SIRPG: variants seen among roughly 807,000 people sequenced by gnomAD.
The protein encoded by SIRPG is signal-regulatory protein gamma.
Under a neutral mutation model 35.7 loss-of-function variants are expected in SIRPG, and 38 were observed. That is an observed-to-expected ratio of 1.06 (90% CI 0.82 to 1.40). The LOEUF (loss-of-function observed/expected upper bound fraction) is 1.40, where lower values mean the gene tolerates loss of function less well. Ranked by LOEUF, SIRPG falls within the 40% of genes most tolerant of loss-of-function variation. SIRPG has a pLI of 0.00. For synonymous variants in SIRPG, 215 were observed against 190.4 expected (o/e 1.13, Z -1.06); for missense variants, 519 against 483.0 (o/e 1.07, Z -0.70).
chr20:1,675,121 T>C, the SIRPG span, among the ~76,000 whole-genome samples: 3 of 152,144 alleles, frequency 2.0e-5, no homozygotes, highest in Non-Finnish European at 4.4e-5. Flanking sequence ...CACTATGGGC[T>C]CCTGACAGCC....
rs540044508 is a variant in SIRPG, at chr20:1,637,130, A to G, written c.431-625T>C. ...GATCTGTCTTTAATCCAGACTTGAC[A>G]TATACCTAGAGCTCTCTCTCTTTGT... On this transcript the variant is annotated intron_variant, in intron 2 of 5. Coordinates refer to ENST00000303415, the MANE Select transcript of SIRPG (RefSeq NM_018556.4). 1.7e-5 allele frequency: 3 copies of G among 174,170 alleles called. No homozygotes were observed. The South Asian group carries it at 5.1e-4, about 30-fold the overall frequency. 10.8% of individuals were successfully genotyped at this position (174,170 alleles called of 1,614,324 possible).
the SIRPG span, among the ~76,000 whole-genome samples, chr20:1,678,114 G>A: frequency 2.0e-5 from 3 of 151,988 alleles, no homozygotes; most frequent in Non-Finnish European, 2.9e-5. Flanking sequence ...ACTAATTCTG[G>A]AAGCTGGTAA....
chr20:1,649,629 C>CTTTTTTTTTTTT (rs35561366), intron 1 of SIRPG, among the ~76,000 whole-genome samples: 2 of 75,762 alleles, frequency 2.6e-5, no homozygotes, highest in African/African-American at 1.1e-4. Context: ...CAGAGAGGTT[C>CTTTTTTTTTTTT]TTTTTTTTTT....
the SIRPG span, among the ~76,000 whole-genome samples, chr20:1,684,403 T>C: frequency 2.1e-4 from 20 of 97,432 alleles, no homozygotes; most frequent in Admixed American, 1.4e-3. Context: ...TATACACACA[T>C]ATATATATGT....
intron 4 of SIRPG, among the ~76,000 whole-genome samples, chr20:1,632,848 G>C (rs2091762441): frequency 6.6e-6 from 1 of 151,840 alleles, no homozygotes; most frequent in African/African-American, 2.4e-5. Context: ...ACTAGAAAAA[G>C]TAGAGCAAAA....
At chr20:1,672,810 G>C in the SIRPG span, among the ~76,000 whole-genome samples, 1 of 152,068 alleles carries the variant, frequency 6.6e-6, no homozygotes, top group Non-Finnish European at 1.5e-5. Context: ...AAGAGGGAAC[G>C]TTTTTGGAAT....
At chr20:1,662,407 C>T (rs1484320091), upstream of SIRPG, among the ~76,000 whole-genome samples, 4 of 152,116 alleles carry the variant, frequency 2.6e-5, no homozygotes, top group Non-Finnish European at 5.9e-5. Flanking sequence ...CACTTGTGCT[C>T]CCAGGACACG....
the SIRPG span, among the ~76,000 whole-genome samples, chr20:1,671,349 G>A: frequency 6.6e-5 from 10 of 152,302 alleles, no homozygotes; most frequent in Admixed American, 5.2e-4. Flanking sequence ...CGACCAGGCT[G>A]GAAAGGCTCT....
intron 2 of SIRPG, among the ~76,000 whole-genome samples, chr20:1,642,230 T>A (rs2091858262): frequency 6.6e-6 from 1 of 152,218 alleles, no homozygotes; most frequent in South Asian, 2.1e-4. Context: ...GGAGTCTAAG[T>A]CTTTTTGTAG....
chr20:1,636,563 G>C (rs1024734747), intron 2 of SIRPG, 58 bp from the exon 3 acceptor site: 3 of 1,552,256 alleles, frequency 1.9e-6, no homozygotes, highest in Non-Finnish European at 2.7e-6. Context: ...CACTAACGAT[G>C]AGTGTGTGAC....
the SIRPG span, chr20:1,665,196 G>A: frequency 1.9e-5 from 3 of 154,888 alleles, no homozygotes; most frequent in African/African-American, 7.2e-5. Context: ...TGAGCCTGAT[G>A]TTGCATGGCG....
rs369471243 is a variant in SIRPG at position 1,629,799 on chromosome 20, T to C, written c.*3-163A>G. On this transcript the variant is annotated intron_variant, in intron 5 of 5. Coordinates refer to ENST00000303415, the MANE Select transcript of SIRPG (RefSeq NM_018556.4). ...GCTCAGCCATCCTGCCAAGTCCTGA[T>C]GCCCTTTCCAATATTCCTTCCACTC... Among the ~76,000 whole-genome samples the C allele has an allele frequency of 5.9e-4, 90 of 152,276 alleles. 1 individual carries two copies. Among genetic ancestry groups the C allele is most frequent in the African/African-American group, 1.9e-3 (78 of 41,558 alleles).
At chr20:1,631,603 AGAAACT>A (rs1327482385) in intron 4 of SIRPG, among the ~76,000 whole-genome samples, 1 of 152,166 alleles carries the variant, frequency 6.6e-6, no homozygotes, top group Non-Finnish European at 1.5e-5. Context: ...TGCCTTACAG[AGAAACT>A]GACCTTGGTA....
At chr20:1,663,882 C>T in the SIRPG span, among the ~76,000 whole-genome samples, 2 of 152,116 alleles carry the variant, frequency 1.3e-5, no homozygotes, top group Non-Finnish European at 2.9e-5. Flanking sequence ...TCTTAGTCCA[C>T]GTGTGTTGCT....
At chr20:1,665,990 G>A in the SIRPG span, among the ~76,000 whole-genome samples, 6 of 152,242 alleles carry the variant, frequency 3.9e-5, no homozygotes, top group African/African-American at 7.2e-5. Context: ...AGCTCTAGGC[G>A]GGTTATGGCC....
chr20:1,686,413 C>T, the SIRPG span, among the ~76,000 whole-genome samples: 2 of 152,166 alleles, frequency 1.3e-5, no homozygotes, highest in African/African-American at 4.8e-5. Flanking sequence ...ATCCTGAAGA[C>T]CTCAGGAGCC....
chr20:1,630,418 G>T (rs2091740925), intron 4 of SIRPG, 112 bp from the exon 5 acceptor site: 1 of 755,628 alleles, frequency 1.3e-6, no homozygotes, highest in African/African-American at 1.8e-5. Flanking sequence ...CCCCACCTTT[G>T]AACCTGCATC....
the SIRPG span, among the ~76,000 whole-genome samples, chr20:1,684,008 C>T: frequency 6.6e-6 from 1 of 151,132 alleles, no homozygotes; most frequent in Non-Finnish European, 1.5e-5. Flanking sequence ...TGGTGGTTAC[C>T]AGGGGCAGGG....
rs1158138863 is a variant in SIRPG, at chr20:1,650,582, A to G, written c.74-1174T>C. Among the ~76,000 whole-genome samples the G allele has an allele frequency of 2.0e-5, 3 of 152,298 alleles. No individual in the cohort carries two copies. In the East Asian group the frequency reaches 5.8e-4, roughly 29 times the overall value. Reference sequence around the variant, plus strand: ...GGATGGAAAATGGAGTATAGTATAGAGAACAGAATCTAAGGGAATTCTGGG... The same window carrying G: ...GGATGGAAAATGGAGTATAGTATAGGGAACAGAATCTAAGGGAATTCTGGG... On this transcript the variant is annotated intron_variant, in intron 1 of 5. Transcript: ENST00000303415.
Sources: gnomAD v4.1 joint callset for allele counts (sites outside exome capture counted in the v4.1 genomes callset) on GRCh38, gnomAD v4.1.1 for gene constraint, MANE v1.5 for transcripts, NCBI Gene and HGNC (gene_info 2026-07-23, HGNC 2026-07-21) for gene names.